Variants in ARHGAP44 observed in about 807,000 individuals in gnomAD.
ARHGAP44 encodes the protein Rho GTPase activating protein 44, also known as rho GTPase-activating protein 44.
ARHGAP44 carries 43 observed loss-of-function variants against 106.8 expected under a neutral mutation model. The observed-to-expected ratio is 0.40, with a 90% CI of 0.32 to 0.52. The LOEUF (loss-of-function observed/expected upper bound fraction) is 0.52, where lower values mean the gene tolerates loss of function less well. Ranked by LOEUF, ARHGAP44 falls within the 20% of genes least tolerant of loss-of-function variation. The probability of loss-of-function intolerance (pLI) is 0.48; values close to 1 mark genes in which losing one functional copy is unlikely to be tolerated. For missense variants in ARHGAP44, 866 were observed against 1,050.5 expected (o/e 0.82, Z 2.43); for synonymous variants, 439 against 410.3 (o/e 1.07, Z -0.85).
intron 2 of ARHGAP44, among the ~76,000 whole-genome samples, chr17:12,895,441 A>G (rs888820098): frequency 2.1e-4 from 32 of 152,172 alleles, no homozygotes; most frequent in Admixed American, 6.5e-4. Flanking sequence ...TCTGGTGACC[A>G]GTGATGATGA....
intron 18 of ARHGAP44, among the ~76,000 whole-genome samples, chr17:12,978,504 A>G (rs2039750776): frequency 6.6e-6 from 1 of 152,226 alleles, no homozygotes; most frequent in Non-Finnish European, 1.5e-5. Flanking sequence ...TTGCATGAGG[A>G]AAATGACCTG....
intron 16 of ARHGAP44, among the ~76,000 whole-genome samples, chr17:12,972,299 C>G (rs1156550759): frequency 6.6e-6 from 1 of 152,172 alleles, no homozygotes; most frequent in Non-Finnish European, 1.5e-5. Context: ...AGCAGCAGTA[C>G]CTCCTAGACC....
intron 7 of ARHGAP44, among the ~76,000 whole-genome samples, chr17:12,937,475 T>G (rs2038582283): frequency 6.6e-6 from 1 of 152,182 alleles, no homozygotes; most frequent in Non-Finnish European, 1.5e-5. Flanking sequence ...AGTACTGGTT[T>G]TCCTGCCCCA....
chr17:12,793,121 T>A (rs1246666452), intron 1 of ARHGAP44, among the ~76,000 whole-genome samples: 1 of 152,228 alleles, frequency 6.6e-6, no homozygotes, highest in East Asian at 1.9e-4. Flanking sequence ...CTTAATTCTC[T>A]GCACATTAAT....
At chr17:12,940,751 C>G (rs959533356) in intron 7 of ARHGAP44, among the ~76,000 whole-genome samples, 2 of 152,234 alleles carry the variant, frequency 1.3e-5, no homozygotes, top group Admixed American at 6.5e-5. Context: ...GGGGCACAAG[C>G]TGTAGAGATG....
chr17:12,934,119 T>G (rs935820086), intron 7 of ARHGAP44, among the ~76,000 whole-genome samples: 2 of 152,222 alleles, frequency 1.3e-5, no homozygotes, highest in African/African-American at 2.4e-5. Flanking sequence ...AGTGCTGGGA[T>G]TACAGGCGTG....
chr17:12,865,631 T>TAGAA (rs1194189697), intron 1 of ARHGAP44, among the ~76,000 whole-genome samples: 1 of 151,850 alleles, frequency 6.6e-6, no homozygotes, highest in African/African-American at 2.4e-5. Context: ...CTACTAAAAA[T>TAGAA]ACAAAAAATT....
intron 16 of ARHGAP44, among the ~76,000 whole-genome samples, chr17:12,970,688 T>C (rs1443648213): frequency 1.3e-5 from 2 of 152,246 alleles, no homozygotes; most frequent in African/African-American, 4.8e-5. Context: ...TAATTCCACT[T>C]CTTTATTGCT....
At chr17:12,945,315 A>G (rs1292603889) in intron 10 of ARHGAP44, among the ~76,000 whole-genome samples, 2 of 152,066 alleles carry the variant, frequency 1.3e-5, no homozygotes, top group Non-Finnish European at 2.9e-5. Context: ...TGACCCAAGA[A>G]GTTCTTGATA....
intron 1 of ARHGAP44, among the ~76,000 whole-genome samples, chr17:12,863,001 A>T (rs907666623): frequency 6.6e-5 from 10 of 151,614 alleles, no homozygotes; most frequent in South Asian, 2.1e-4. Context: ...TAAAATAAAA[A>T]AAAAGGCCGA....
chr17:12,870,064 T>TTTTGGAGATAGAG, intron 1 of ARHGAP44, among the ~76,000 whole-genome samples: 1 of 144,550 alleles, frequency 6.9e-6, no homozygotes, highest in Non-Finnish European at 1.5e-5. Context: ...TTTTTTTTTT[T>TTTTGGAGATAGAG]TTGAGATAGA....
At chr17:12,826,485 G>A (rs569444309) in intron 1 of ARHGAP44, among the ~76,000 whole-genome samples, 1 of 152,264 alleles carries the variant, frequency 6.6e-6, no homozygotes, top group South Asian at 2.1e-4. Flanking sequence ...AGCCAACTTT[G>A]TTTTCAGTGT....
rs1384043501 is a variant in ARHGAP44, at chr17:12,891,796, G to GA, written c.54-3144_54-3143insA. Among the ~76,000 whole-genome samples the GA allele has an allele frequency of 3.8e-4, 31 of 82,366 alleles. No individual in the cohort carries two copies. The South Asian group carries it at 0.016, about 43-fold the overall frequency. The allele number at this position is 82,366 out of a possible 152,430, so 54.0% of individuals were successfully genotyped here. The stretch of plus-strand genomic sequence containing the variant: ...AAGTTTCCTTCTTTTATCATTTTTG[G>GA]GGTTTTTTTTTTTTTTAGATGGAGT... On this transcript the variant is annotated intron_variant, in intron 1 of 20. Coordinates refer to ENST00000379672, the MANE Select transcript of ARHGAP44 (RefSeq NM_014859.6).
At chr17:12,885,134 C>T (rs1423847966) in intron 1 of ARHGAP44, among the ~76,000 whole-genome samples, 2 of 152,158 alleles carry the variant, frequency 1.3e-5, no homozygotes, top group Admixed American at 6.5e-5. Flanking sequence ...CTCCTGACCT[C>T]GTGATCTGCC....
At chr17:12,923,578 G>A (rs1046814485) in intron 6 of ARHGAP44, among the ~76,000 whole-genome samples, 13 of 152,168 alleles carry the variant, frequency 8.5e-5, no homozygotes, top group Non-Finnish European at 1.8e-4. Context: ...CCCTTCAGGT[G>A]TCAGCTTTGG....
chr17:12,865,455 A>C (rs1216633040), intron 1 of ARHGAP44, among the ~76,000 whole-genome samples: 1 of 152,300 alleles, frequency 6.6e-6, no homozygotes, highest in South Asian at 2.1e-4. Flanking sequence ...AAGTGTCAAC[A>C]TCAGTAGAAA....
intron 16 of ARHGAP44, among the ~76,000 whole-genome samples, chr17:12,972,076 G>A (rs555067009): frequency 9.3e-4 from 142 of 152,178 alleles, no homozygotes; most frequent in Non-Finnish European, 1.5e-3. Flanking sequence ...TTGTGCTTCT[G>A]ACTAGTGTAG....
chr17:12,802,414 G>A (rs961942813), intron 1 of ARHGAP44, among the ~76,000 whole-genome samples: 9 of 152,140 alleles, frequency 5.9e-5, no homozygotes, highest in African/African-American at 2.2e-4. Flanking sequence ...TGGCAAAGGA[G>A]TTGCTTCAAA....
chr17:12,988,402 A>G (rs1157151619), intron 20 of ARHGAP44: 1 of 152,240 alleles, frequency 6.6e-6, no homozygotes, highest in Non-Finnish European at 1.5e-5. Flanking sequence ...AACCCTGCAC[A>G]GTGAGGTGGG....
Sources: gnomAD v4.1 joint callset for allele counts (sites outside exome capture counted in the v4.1 genomes callset) on GRCh38, gnomAD v4.1.1 for gene constraint, MANE v1.5 for transcripts, NCBI Gene and HGNC (gene_info 2026-07-23, HGNC 2026-07-21) for gene names.